ERCC6L: variants seen among roughly 807,000 people sequenced by gnomAD.
ERCC6L encodes ERCC excision repair 6 like, spindle assembly checkpoint helicase, also known as DNA excision repair protein ERCC-6-like.
In ERCC6L, 7 loss-of-function variants were observed where a neutral mutation model predicts 20.1. The ratio of observed to expected loss-of-function variants is 0.35; its 90% CI spans 0.20 to 0.65. The LOEUF (loss-of-function observed/expected upper bound fraction) is 0.65. ERCC6L is among the 30% of genes least tolerant of loss of function. The pLI, the probability that ERCC6L is intolerant of heterozygous loss-of-function variation, is 0.69. For synonymous variants in ERCC6L, 278 were observed against 331.3 expected (o/e 0.84, Z 1.75); for missense variants, 592 against 892.4 (o/e 0.66, Z 4.29).
chrX:72,229,670 A>G (rs1045183686), intron 1 of ERCC6L, among the ~76,000 whole-genome samples: 4 of 111,270 alleles, frequency 3.6e-5, no homozygotes, highest in African/African-American at 9.8e-5. Flanking sequence ...TAGTTTATCT[A>G]TCTCCCTCCA....
intron 1 of ERCC6L, among the ~76,000 whole-genome samples, chrX:72,227,258 A>T (rs191425011): frequency 8.9e-6 from 1 of 111,803 alleles, no homozygotes; most frequent in East Asian, 2.8e-4. Flanking sequence ...TTTCAATCCG[A>T]CAATGGTCCT....
chrX:72,219,792 C>T (rs754330084), intron 1 of ERCC6L, among the ~76,000 whole-genome samples: 3 of 103,497 alleles, frequency 2.9e-5, no homozygotes, highest in African/African-American at 1.1e-4. Flanking sequence ...GAGATTGCAG[C>T]GAGTCAAGGT....
chrX:72,205,089 C>G lies in ERCC6L; in HGVS notation c.3678G>C (p.Ala1226=), dbSNP rs961551484. 1 of 1,210,972 alleles carries G rather than the reference C, an allele frequency of 8.3e-7. No homozygotes were observed. The highest frequency in any genetic ancestry group is 2.2e-5 in the Admixed American group (1 of 45,933). The change falls in exon 2 of 2, where the codon GCG becomes GCC. Residue 1226 remains alanine, a synonymous_variant. Transcript: ENST00000334463. ...IQEALNCLVK[A]LDIKSADPEV... is the part of the protein sequence containing the mutation. The stretch of plus-strand genomic sequence containing the variant: ...CAGGATCTGCACTTTTTATGTCAAG[C>G]GCTTTAACTAAGCAGTTTAGGGCCT...
intron 1 of ERCC6L, among the ~76,000 whole-genome samples, chrX:72,228,812 C>T (rs899797512): frequency 7.2e-5 from 8 of 110,877 alleles, no homozygotes; most frequent in Non-Finnish European, 1.3e-4. Flanking sequence ...CTTCTCACTG[C>T]TCTCAAGCTC....
intron 1 of ERCC6L, among the ~76,000 whole-genome samples, chrX:72,229,831 C>G (rs999927579): frequency 8.9e-6 from 1 of 111,870 alleles, no homozygotes. Context: ...ACTTCCATAA[C>G]ATACTTTAAG....
chrX:72,216,874 C>T (rs1391180599), intron 1 of ERCC6L, among the ~76,000 whole-genome samples: 1 of 111,710 alleles, frequency 9.0e-6, no homozygotes, highest in Non-Finnish European at 1.9e-5. Context: ...AATTAACTGT[C>T]CCTGGAGAAT....
rs181638528 is a variant in ERCC6L at position 72,222,947 on chromosome X, C to G, written c.69-14249G>C. ...CTCACTGAAGCCATGCTAAAATATA[C>G]CAATCTGGATCCAGAATCTAGAGAA... On this transcript the variant is annotated intron_variant, in intron 1 of 1. Transcript: ENST00000334463. 1.0e-4 allele frequency among the ~76,000 whole-genome samples: 11 copies of G among 108,857 alleles called. No individual in the cohort carries two copies. The East Asian group carries it at 2.9e-3, about 29-fold the overall frequency. The allele number at this position is 108,857 out of a possible 115,157, so 94.5% of individuals were successfully genotyped here.
intron 1 of ERCC6L, among the ~76,000 whole-genome samples, chrX:72,232,817 G>T (rs1195641719): frequency 9.0e-6 from 1 of 110,741 alleles, no homozygotes; most frequent in Non-Finnish European, 1.9e-5. Context: ...TCTCAGAAAA[G>T]AAAATCACCA....
chrX:72,227,995 A>AT (rs201760101), intron 1 of ERCC6L, among the ~76,000 whole-genome samples: 2,567 of 112,298 alleles, frequency 0.023, 36 homozygotes, highest in Non-Finnish European at 0.034. Context: ...CCTCTTCCTT[A>AT]TTTGAAGGTG....
chrX:72,212,487 C>G (rs181867553), intron 1 of ERCC6L, among the ~76,000 whole-genome samples: 43 of 111,628 alleles, frequency 3.9e-4, no homozygotes, highest in African/African-American at 1.4e-3. Flanking sequence ...ATAAGCCATA[C>G]TATTAGACCT....
At position 72,207,440 on chromosome X, in the gene ERCC6L, C is replaced by G. The variant is rs1488579280; in HGVS notation, c.1327G>C (p.Asp443His). 2.5e-6 allele frequency: 3 copies of G among 1,211,330 alleles called. No homozygotes were observed. Among genetic ancestry groups the G allele is most frequent in the Non-Finnish European group, 3.4e-6 (3 of 895,318 alleles). ...QDGNEGEDSP[D>H]VDHIDQVTDD... The stretch of plus-strand genomic sequence containing the variant: ...GTTACTTGATCAATATGGTCCACAT[C>G]TGGGGAATCTTCCCCCTCATTTCCA... The change falls in exon 2 of 2, where the codon GAT becomes CAT. Residue 443 changes from aspartate to histidine, a missense_variant. Asp to His is a moderately conservative substitution (Grantham distance 81). Transcript: ENST00000334463.
At chrX:72,209,053 T>C (rs1365955516) in intron 1 of ERCC6L, among the ~76,000 whole-genome samples, 1 of 111,314 alleles carries the variant, frequency 9.0e-6, no homozygotes, top group Non-Finnish European at 1.9e-5. Flanking sequence ...GGAACCTCTC[T>C]GGCCTTATTT....
intron 1 of ERCC6L, among the ~76,000 whole-genome samples, chrX:72,222,002 C>T (rs1416842604): frequency 1.8e-5 from 2 of 109,370 alleles, no homozygotes; most frequent in Non-Finnish European, 3.8e-5. Context: ...TTCTGCTCCT[C>T]ATCCTTCCAA....
chrX:72,227,889 C>G (rs1288742354), intron 1 of ERCC6L, among the ~76,000 whole-genome samples: 3 of 112,740 alleles, frequency 2.7e-5, no homozygotes, highest in Admixed American at 9.4e-5. Context: ...ATAAAGAAAT[C>G]AATGTACTTT....
Position 72,205,790 on chromosome X carries a change from C to T in ERCC6L, c.2977G>A (p.Val993Met), listed in dbSNP as rs770709541. 8 of 1,212,074 alleles carry T rather than the reference C, an allele frequency of 6.6e-6. No homozygotes were observed. In the South Asian group the frequency reaches 1.2e-4, roughly 19 times the overall value. Reference sequence around the variant, plus strand: ...CAACTGAGACATGTTTTGCTATGCACAAACCCTGCTCTGGAATTAGGTGCA... The same window carrying T: ...CAACTGAGACATGTTTTGCTATGCATAAACCCTGCTCTGGAATTAGGTGCA... ...GSAPNSRAGF[V>M]HSKTCLSWEF... The change falls in exon 2 of 2, where the codon GTG (valine) becomes ATG (methionine). Residue 993 changes from valine to methionine, a missense_variant. Val to Met is a conservative substitution (Grantham distance 21, BLOSUM62 1). This residue lies in a region of ERCC6L where 352 missense variants were observed against 402.6 expected (regional missense o/e 0.87). Coordinates refer to ENST00000334463, the MANE Select transcript of ERCC6L (RefSeq NM_017669.4).
At chrX:72,211,195 C>T (rs2042851986) in intron 1 of ERCC6L, among the ~76,000 whole-genome samples, 1 of 111,272 alleles carries the variant, frequency 9.0e-6, no homozygotes, top group Non-Finnish European at 1.9e-5. Flanking sequence ...ATCTGGATAA[C>T]TTAGCTAACA....
chrX:72,209,261 C>A, intron 1 of ERCC6L, among the ~76,000 whole-genome samples: 1 of 111,386 alleles, frequency 9.0e-6, no homozygotes, highest in South Asian at 3.8e-4. Context: ...CCAGAGCTTC[C>A]GCTCCCACCT....
In ERCC6L at chrX:72,206,961, G is replaced by A; in HGVS notation, c.1806C>T (p.Asp602=). ...EKIYRRQVFK[D]SLIRQTTGEK... is the part of the protein sequence containing the mutation. Reference sequence around the variant, plus strand: ...CACCAGTAGTTTGTCTTATTAATGAGTCCTTGAAAACCTGTCTTCTGTATA... The same window carrying A: ...CACCAGTAGTTTGTCTTATTAATGAATCCTTGAAAACCTGTCTTCTGTATA... The change falls in exon 2 of 2, where the codon GAC becomes GAT. Residue 602 remains aspartate (D), a synonymous_variant. Coordinates refer to ENST00000334463, the MANE Select transcript of ERCC6L (RefSeq NM_017669.4). The A allele has an allele frequency of 8.3e-7, 1 of 1,210,524 alleles. No individual in the cohort carries two copies. The highest frequency in any genetic ancestry group is 1.1e-6 in the Non-Finnish European group (1 of 895,045).
chrX:72,205,943 G>T lies in ERCC6L; in HGVS notation c.2824C>A (p.Pro942Thr). ...QASEAKLEEE[P>T]SASSPQYACD... ...GCATACTGTGGTGAAGATGCTGAAG[G>T]TTCCTCTTCCAACTTGGCCTCACTT... is the stretch of plus-strand genomic sequence containing the variant. Residue 942 changes from proline (P) to threonine (T), a missense_variant, in exon 2 of 2, where the codon CCT becomes ACT. Physicochemically the swap from Pro to Thr is conservative, Grantham distance 38. Around this residue, in one of 3 missense-constraint regions of ERCC6L, gnomAD observed 352 missense variants for 402.6 expected, o/e 0.87. Coordinates refer to ENST00000334463, the MANE Select transcript of ERCC6L (RefSeq NM_017669.4). 8.3e-7 allele frequency: 1 copy of T among 1,211,226 alleles called. No homozygotes were observed. The highest frequency in any genetic ancestry group is 1.1e-6 in the Non-Finnish European group (1 of 895,001).
Sources: gnomAD v4.1 joint callset for allele counts (sites outside exome capture counted in the v4.1 genomes callset) on GRCh38, gnomAD v4.1.1 for gene constraint, gnomAD v4.1.1 regional missense constraint, MANE v1.5 for transcripts, NCBI Gene and HGNC (gene_info 2026-07-23, HGNC 2026-07-21) for gene names.